Variants in FHIT observed in about 807,000 individuals in gnomAD.
The protein encoded by FHIT is fragile histidine triad diadenosine triphosphatase.
Under a neutral mutation model 17.9 loss-of-function variants are expected in FHIT, and 19 were observed. That is an observed-to-expected ratio of 1.06 (90% CI 0.74 to 1.56). The LOEUF is 1.56. FHIT is among the 40% of genes most tolerant of loss of function. The pLI is 0.00. For synonymous variants in FHIT, 81 were observed against 69.7 expected, an observed-to-expected ratio of 1.16 and a Z score of -0.81; for missense variants, 248 against 189.2, an observed-to-expected ratio of 1.31 and a Z score of -1.82.
In FHIT at chr3:60,706,597, C is replaced by T. The variant is rs1265717476; in HGVS notation, c.-18+115322G>A. On this transcript the variant is annotated intron_variant, in intron 4 of 9. Coordinates refer to ENST00000492590, the MANE Select transcript of FHIT (RefSeq NM_002012.4). The stretch of plus-strand genomic sequence containing the variant: ...AAACAGCATTTTGTCACCTTTTAAA[C>T]GTTTGGGAACAGAGAAGGCGAAACA... 1.5e-4 allele frequency among the ~76,000 whole-genome samples: 23 copies of T among 152,016 alleles called. 1 individual carries two copies. Among genetic ancestry groups the T allele is most frequent in the African/African-American group, 5.6e-4 (23 of 41,394 alleles).
At chr3:60,265,027 C>A (rs993204704) in intron 5 of FHIT, among the ~76,000 whole-genome samples, 1 of 151,604 alleles carries the variant, frequency 6.6e-6, no homozygotes, top group Non-Finnish European at 1.5e-5. Context: ...GGGGTGATAT[C>A]ACTCCCACTG....
intron 5 of FHIT, among the ~76,000 whole-genome samples, chr3:60,345,578 C>T (rs1363889110): frequency 4.6e-5 from 7 of 152,152 alleles, no homozygotes; most frequent in Non-Finnish European, 2.9e-5. Flanking sequence ...GAATGATCTA[C>T]CAAATCCAGT....
At chr3:59,933,777 C>G (rs1018059204) in intron 7 of FHIT, among the ~76,000 whole-genome samples, 2 of 152,138 alleles carry the variant, frequency 1.3e-5, no homozygotes, top group Non-Finnish European at 2.9e-5. Context: ...GTCTCCCTAA[C>G]TAGTAGTATA....
chr3:60,116,100 C>T (rs7634622), intron 5 of FHIT, among the ~76,000 whole-genome samples: 1 of 151,986 alleles, frequency 6.6e-6, no homozygotes, highest in East Asian at 1.9e-4. Flanking sequence ...TTAGCGTTAA[C>T]TATAGACTAG....
In FHIT at chr3:61,236,501, T is replaced by A. The variant is rs764277733; in HGVS notation, c.-213+14800A>T. On this transcript the variant is annotated intron_variant, in intron 1 of 9. Coordinates refer to ENST00000492590, the MANE Select transcript of FHIT (RefSeq NM_002012.4). ...GCCAGCCACTCCAGAATTACTCTTC[T>A]ACAGAGGGCAGGGAAAACAGCTCAT... is the stretch of plus-strand genomic sequence containing the variant. Among the ~76,000 whole-genome samples the A allele has an allele frequency of 4.8e-4, 73 of 152,110 alleles. 1 individual carries two copies. Among genetic ancestry groups the A allele is most frequent in the Non-Finnish European group, 1.3e-4 (9 of 68,022 alleles).
chr3:60,618,442 C>A (rs956706511), intron 4 of FHIT, among the ~76,000 whole-genome samples: 3 of 152,118 alleles, frequency 2.0e-5, no homozygotes, highest in Admixed American at 6.5e-5. Flanking sequence ...CCCAGCAGCA[C>A]CCCTCCAACA....
intron 2 of FHIT, among the ~76,000 whole-genome samples, chr3:61,134,251 T>C (rs771973241): frequency 6.6e-6 from 1 of 152,088 alleles, no homozygotes; most frequent in Non-Finnish European, 1.5e-5. Flanking sequence ...ATTCAGGCAG[T>C]GTCTATTTCT....
At chr3:61,221,682 G>A (rs953076171) in intron 1 of FHIT, among the ~76,000 whole-genome samples, 7 of 152,178 alleles carry the variant, frequency 4.6e-5, no homozygotes, top group Non-Finnish European at 7.4e-5. Flanking sequence ...CAAGGATGCA[G>A]GGCCACCACT....
chr3:60,056,309 T>C (rs1444332773), intron 5 of FHIT, among the ~76,000 whole-genome samples: 2 of 152,228 alleles, frequency 1.3e-5, no homozygotes, highest in Admixed American at 6.5e-5. Context: ...TCTGGTTCTA[T>C]TACTTGAGAT....
rs9865210 is a variant in FHIT at position 60,278,480 on chromosome 3, T to C, written c.103+258380A>G. ...CTCAGGCTCACTAAGAAAACTGAGA[T>C]GTAATCATAATATACAACAATTATC... On this transcript the variant is annotated intron_variant, in intron 5 of 9. Coordinates refer to ENST00000492590, the MANE Select transcript of FHIT (RefSeq NM_002012.4). Among the ~76,000 whole-genome samples the C allele has an allele frequency of 6.6e-4, 100 of 152,054 alleles. 1 individual carries two copies. Among genetic ancestry groups the C allele is most frequent in the Middle Eastern group, 6.8e-3 (2 of 294 alleles).
chr3:60,399,962 C>G (rs557261275), intron 5 of FHIT, among the ~76,000 whole-genome samples: 1 of 152,138 alleles, frequency 6.6e-6, no homozygotes, highest in African/African-American at 2.4e-5. Context: ...TTGCTCCCAG[C>G]CTCCAGGAAC....
chr3:60,394,860 T>C (rs1385305615), intron 5 of FHIT, among the ~76,000 whole-genome samples: 3 of 152,170 alleles, frequency 2.0e-5, no homozygotes, highest in African/African-American at 7.2e-5. Context: ...TGAGAGTTCA[T>C]CTGCAGCCGT....
At chr3:60,184,564 A>C (rs1024409397) in intron 5 of FHIT, among the ~76,000 whole-genome samples, 1 of 152,184 alleles carries the variant, frequency 6.6e-6, no homozygotes, top group Admixed American at 6.5e-5. Context: ...CGTCCATATT[A>C]TCAACATGAC....
chr3:60,110,986 G>A (rs541292918), intron 5 of FHIT, among the ~76,000 whole-genome samples: 2 of 152,196 alleles, frequency 1.3e-5, no homozygotes, highest in African/African-American at 4.8e-5. Flanking sequence ...AGTCTCCTGT[G>A]ATACAGATAC....
intron 8 of FHIT, among the ~76,000 whole-genome samples, chr3:59,758,420 A>G (rs1043560110): frequency 6.6e-6 from 1 of 152,204 alleles, no homozygotes; most frequent in Non-Finnish European, 1.5e-5. Flanking sequence ...TTGTTTAAAG[A>G]TGGAATAGGC....
At chr3:60,685,635 C>T (rs530816564) in intron 4 of FHIT, among the ~76,000 whole-genome samples, 20 of 152,260 alleles carry the variant, frequency 1.3e-4, no homozygotes, top group African/African-American at 4.8e-4. Flanking sequence ...AACGAGTATT[C>T]ATTCCATTTA....
intron 5 of FHIT, among the ~76,000 whole-genome samples, chr3:60,308,190 A>G (rs1708771209): frequency 6.6e-6 from 1 of 151,982 alleles, no homozygotes; most frequent in African/African-American, 2.4e-5. Context: ...CTTTACTATA[A>G]CCTTGGCCAA....
intron 5 of FHIT, among the ~76,000 whole-genome samples, chr3:60,421,366 T>A (rs1239496604): frequency 2.0e-5 from 3 of 152,152 alleles, no homozygotes; most frequent in Admixed American, 6.6e-5. Flanking sequence ...GTTTATCGAT[T>A]GAAATTTAGT....
intron 7 of FHIT, among the ~76,000 whole-genome samples, chr3:59,965,781 T>C (rs1361110843): frequency 1.3e-5 from 2 of 152,192 alleles, no homozygotes; most frequent in Non-Finnish European, 2.9e-5. Context: ...CAAAACTAAC[T>C]ATAAATATTT....
Sources: gnomAD v4.1 joint callset for allele counts (sites outside exome capture counted in the v4.1 genomes callset) on GRCh38, gnomAD v4.1.1 for gene constraint, MANE v1.5 for transcripts, NCBI Gene and HGNC (gene_info 2026-07-23, HGNC 2026-07-21) for gene names.